TDRD10: variants seen among roughly 807,000 people sequenced by gnomAD.
TDRD10 encodes tudor domain containing 10.
Under a neutral mutation model 48.0 loss-of-function variants are expected in TDRD10, and 40 were observed. The observed-to-expected ratio is 0.83, with a 90% CI of 0.65 to 1.09. The LOEUF (loss-of-function observed/expected upper bound fraction) is 1.09. Ranked by LOEUF, TDRD10 falls within the 50% of genes least tolerant of loss-of-function variation. The probability of loss-of-function intolerance (pLI) is 0.00; values close to 1 mark genes in which losing one functional copy is unlikely to be tolerated. For synonymous variants in TDRD10, 162 were observed against 170.4 expected (o/e 0.95, Z 0.38); for missense variants, 378 against 434.7 (o/e 0.87, Z 1.16).
At chr1:154,511,810 T>G (rs972288615) in intron 4 of TDRD10, among the ~76,000 whole-genome samples, 1 of 152,064 alleles carries the variant, frequency 6.6e-6, no homozygotes, top group African/African-American at 2.4e-5. Flanking sequence ...ATTGCGCCAT[T>G]GGACTCCAGC....
rs557382568 is a variant in TDRD10 at position 154,520,135 on chromosome 1, G to A, written c.142-169G>A. On this transcript the variant is annotated intron_variant, in intron 4 of 12. Coordinates refer to ENST00000368482, the MANE Select transcript of TDRD10 (RefSeq NM_182499.4). ...GGTGAGCTTCACTGAAGACAGGGCT[G>A]TGGCCTTTCTTGCCTATCCTACAAA... Among the ~76,000 whole-genome samples the A allele has an allele frequency of 7.2e-5, 11 of 152,280 alleles. No individual in the cohort carries two copies. In the South Asian group the frequency reaches 2.3e-3, roughly 32 times the overall value.
At chr1:154,534,501 C>G (rs1356046343) in intron 6 of TDRD10, 1 of 152,272 alleles carries the variant, frequency 6.6e-6, no homozygotes, top group East Asian at 1.9e-4. Context: ...AGTCAGCCAC[C>G]TTTGATGCTC....
At chr1:154,545,527 G>C (rs1695500483) in intron 11 of TDRD10, among the ~76,000 whole-genome samples, 1 of 152,152 alleles carries the variant, frequency 6.6e-6, no homozygotes, top group Non-Finnish European at 1.5e-5. Flanking sequence ...AGGTGAAGAA[G>C]CATACATACA....
At chr1:154,522,799 A>T (rs1694124052) in intron 6 of TDRD10, among the ~76,000 whole-genome samples, 2 of 152,198 alleles carry the variant, frequency 1.3e-5, no homozygotes, top group African/African-American at 4.8e-5. Flanking sequence ...TCTCTGTGTT[A>T]TGCCCTTCAC....
chr1:154,541,253 A>G (rs1350778668), intron 6 of TDRD10, among the ~76,000 whole-genome samples: 2 of 138,286 alleles, frequency 1.4e-5, no homozygotes, highest in Non-Finnish European at 3.1e-5. Flanking sequence ...GAGCAGGTCC[A>G]TGCAGGGGAG....
chr1:154,536,463 G>C (rs567888579), intron 6 of TDRD10, among the ~76,000 whole-genome samples: 9 of 152,216 alleles, frequency 5.9e-5, no homozygotes, highest in Non-Finnish European at 8.8e-5. Context: ...TGGAGGCTTT[G>C]AGCAGGGGGT....
At position 154,521,304 on chromosome 1, in the gene TDRD10, C is replaced by T. The variant is rs753177933; in HGVS notation, c.213-19C>T. On this transcript the variant is annotated intron_variant, in intron 5 of 12. Coordinates refer to ENST00000368482, the MANE Select transcript of TDRD10 (RefSeq NM_182499.4). ...CTGGAGATGTGCTCAAAGCCTCCCT[C>T]TCTCTCTTCCCTTTTCAGCTTTGCA... 3 of 1,613,432 alleles carry T rather than the reference C, an allele frequency of 1.9e-6. No homozygotes were observed. Among genetic ancestry groups the T allele is most frequent in the Middle Eastern group, 1.7e-4 (1 of 6,058 alleles).
chr1:154,538,499 G>A (rs982620882), intron 6 of TDRD10, among the ~76,000 whole-genome samples: 3 of 136,170 alleles, frequency 2.2e-5, no homozygotes, highest in African/African-American at 8.2e-5. Flanking sequence ...GCGGTGAGCC[G>A]AGATCATGCC....
chr1:154,545,358 A>G (rs537247906), intron 11 of TDRD10, among the ~76,000 whole-genome samples: 212 of 152,334 alleles, frequency 1.4e-3, no homozygotes, highest in Middle Eastern at 6.8e-3. Context: ...ACGCCAGAGC[A>G]CAGCACTTAG....
intron 6 of TDRD10, among the ~76,000 whole-genome samples, chr1:154,531,492 C>T (rs1003646699): frequency 6.6e-6 from 1 of 152,112 alleles, no homozygotes; most frequent in African/African-American, 2.4e-5. Flanking sequence ...AAGCTGCAGA[C>T]CTTCGCAGTG....
At chr1:154,503,326 G>A (rs1393598473) in intron 1 of TDRD10, among the ~76,000 whole-genome samples, 1 of 152,184 alleles carries the variant, frequency 6.6e-6, no homozygotes, top group Non-Finnish European at 1.5e-5. Context: ...GGTGGCTCAC[G>A]ACTGTAATCC....
intron 6 of TDRD10, among the ~76,000 whole-genome samples, chr1:154,525,871 G>A (rs1197875496): frequency 2.3e-5 from 3 of 132,722 alleles, no homozygotes; most frequent in African/African-American, 8.6e-5. Flanking sequence ...ACTCCAGCCT[G>A]GGCAACAGAG....
At position 154,540,552 on chromosome 1, in the gene TDRD10, A is replaced by C. The variant is rs148692340; in HGVS notation, c.370-1472A>C. ...AAAATGCCGTTCACTCAAATGGAGA[A>C]AGCTAGGCTGGGGAGGGTCTGCTTT... On this transcript the variant is annotated intron_variant, in intron 6 of 12. Transcript: ENST00000368482. 1.6e-4 allele frequency among the ~76,000 whole-genome samples: 24 copies of C among 150,886 alleles called. No homozygotes were observed. The East Asian group carries it at 4.7e-3, about 29-fold the overall frequency.
At chr1:154,513,177 G>A (rs534654736) in intron 4 of TDRD10, among the ~76,000 whole-genome samples, 20 of 152,272 alleles carry the variant, frequency 1.3e-4, no homozygotes, top group Admixed American at 3.3e-4. Flanking sequence ...TGAGCATCAC[G>A]TACTACATTT....
intron 8 of TDRD10, among the ~76,000 whole-genome samples, chr1:154,543,226 G>C (rs1345881515): frequency 6.6e-6 from 1 of 152,152 alleles, no homozygotes; most frequent in Non-Finnish European, 1.5e-5. Context: ...AGTGAGCCGA[G>C]ATTGTGCCAC....
chr1:154,545,154 C>T (rs1695479628), intron 11 of TDRD10, among the ~76,000 whole-genome samples: 1 of 152,160 alleles, frequency 6.6e-6, no homozygotes, highest in Non-Finnish European at 1.5e-5. Flanking sequence ...AGCCCAAGAT[C>T]CCAACAGGGA....
intron 6 of TDRD10, among the ~76,000 whole-genome samples, chr1:154,531,156 TAA>T (rs1185367612): frequency 6.6e-6 from 1 of 152,214 alleles, no homozygotes; most frequent in African/African-American, 2.4e-5. Flanking sequence ...TTTCCATTTT[TAA>T]ATACTGTTTT....
chr1:154,527,489 G>A (rs1288778183), intron 6 of TDRD10, among the ~76,000 whole-genome samples: 1 of 152,064 alleles, frequency 6.6e-6, no homozygotes, highest in Admixed American at 6.6e-5. Flanking sequence ...AATACTAGGT[G>A]GATTATAAAC....
chr1:154,523,217 G>A (rs1015470870), intron 6 of TDRD10, among the ~76,000 whole-genome samples: 1 of 152,072 alleles, frequency 6.6e-6, no homozygotes, highest in Non-Finnish European at 1.5e-5. Context: ...GGATTGTTGT[G>A]TCTTCCTAAT....
Sources: allele counts gnomAD v4.1 joint callset (sites outside exome capture counted in the v4.1 genomes callset), GRCh38; gene constraint gnomAD v4.1.1; transcripts MANE v1.5; gene names NCBI Gene and HGNC (gene_info 2026-07-23, HGNC 2026-07-21).